The following DPH6 variants were observed in gnomAD, a reference collection of about 807,000 sequenced individuals.
DPH6 encodes diphthine--ammonia ligase.
DPH6 carries 33 observed loss-of-function variants against 38.2 expected under a neutral mutation model. That is an observed-to-expected ratio of 0.86 (90% CI 0.65 to 1.15). The LOEUF is 1.15. Among genes scored for constraint, DPH6 ranks in the 50% most tolerant of loss-of-function variants. The pLI is 0.00. For synonymous variants in DPH6, 108 were observed against 103.0 expected, an observed-to-expected ratio of 1.05 and a Z score of -0.30; for missense variants, 325 against 320.0, an observed-to-expected ratio of 1.02 and a Z score of -0.12.
At chr15:35,210,479 G>A in the DPH6 span, among the ~76,000 whole-genome samples, 1 of 152,166 alleles carries the variant, frequency 6.6e-6, no homozygotes, top group African/African-American at 2.4e-5. Flanking sequence ...TAAAGGTACA[G>A]CGGGAATAAT....
At chr15:35,289,607 G>C (rs1290233495) in intron 3 of DPH6, among the ~76,000 whole-genome samples, 1 of 152,130 alleles carries the variant, frequency 6.6e-6, no homozygotes, top group Non-Finnish European at 1.5e-5. Context: ...ATAGGAATGA[G>C]GCAAATTTTA....
At chr15:35,436,204 T>G (rs73380710) in intron 5 of DPH6, among the ~76,000 whole-genome samples, 3 of 151,780 alleles carry the variant, frequency 2.0e-5, no homozygotes, top group Non-Finnish European at 2.9e-5. Flanking sequence ...CGGTGGCTCA[T>G]GCCTGTAATC....
At chr15:35,304,975 A>G (rs558993104) in intron 3 of DPH6, among the ~76,000 whole-genome samples, 1 of 152,194 alleles carries the variant, frequency 6.6e-6, no homozygotes, top group East Asian at 1.9e-4. Flanking sequence ...CTAGTCACAG[A>G]GGGACACTTT....
intron 3 of DPH6, among the ~76,000 whole-genome samples, chr15:35,481,247 G>A (rs1314610356): frequency 6.6e-6 from 1 of 152,112 alleles, no homozygotes; most frequent in East Asian, 1.9e-4. Flanking sequence ...CAACTACCAA[G>A]TTACAGGAAA....
intron 3 of DPH6, among the ~76,000 whole-genome samples, chr15:35,496,565 A>ATATATATATATATATATATAT (rs1467883229): frequency 1.1e-3 from 23 of 20,122 alleles, no homozygotes; most frequent in East Asian, 7.1e-3. Flanking sequence ...CAAAAAAAAA[A>ATATATATATATATATATATAT]AAATATATAT....
the DPH6 span, among the ~76,000 whole-genome samples, chr15:35,182,220 ATTTTTTTTTTTTTTTTTTTTTT>A: frequency 4.7e-5 from 4 of 86,012 alleles, no homozygotes; most frequent in African/African-American, 1.2e-4. Flanking sequence ...AACTCTAAGA[ATTTTTTTTTTTTTTTTTTTTTT>A]TTTTTTTTTT....
chr15:35,219,532 A>T (rs530580306), exon 4 of DPH6: 37 of 152,330 alleles, frequency 2.4e-4, no homozygotes, highest in African/African-American at 8.7e-4. Flanking sequence ...ATGTCAGACT[A>T]TTTTTAATAC....
intron 3 of DPH6, among the ~76,000 whole-genome samples, chr15:35,287,139 A>G (rs1023943692): frequency 6.6e-6 from 1 of 152,210 alleles, no homozygotes. Context: ...CAACTCAGTA[A>G]ACAGGCTTTG....
intron 3 of DPH6, among the ~76,000 whole-genome samples, chr15:35,358,316 G>T (rs761031806): frequency 1.2e-4 from 18 of 151,950 alleles, no homozygotes; most frequent in Non-Finnish European, 2.2e-4. Context: ...CTTGCATTAG[G>T]CTTTGCCTTT....
At chr15:35,283,020 CTCT>C in intron 3 of DPH6, 1 of 210,922 alleles carries the variant, frequency 4.7e-6, no homozygotes, top group Non-Finnish European at 1.0e-5. Context: ...CTTCCTCTTC[CTCT>C]TCTTCCTTCT....
intron 3 of DPH6, among the ~76,000 whole-genome samples, chr15:35,303,253 T>C (rs910126686): frequency 9.2e-5 from 14 of 152,050 alleles, no homozygotes; most frequent in African/African-American, 3.4e-4. Context: ...AACTTAATAA[T>C]ACTGTCTATA....
chr15:35,467,207 T>G (rs1413874368), intron 3 of DPH6, among the ~76,000 whole-genome samples: 3 of 152,228 alleles, frequency 2.0e-5, no homozygotes, highest in African/African-American at 7.2e-5. Context: ...ATGTCCTTAT[T>G]CTGTAAACTT....
chr15:35,410,934 A>G, intron 5 of DPH6, 38 bp from the exon 6 acceptor site: 1 of 1,573,442 alleles, frequency 6.4e-7, no homozygotes, highest in Non-Finnish European at 8.6e-7. Flanking sequence ...GATAACTATC[A>G]GATAGGAACT....
chr15:35,268,031 G>C lies in DPH6; in HGVS notation n.201-47449C>G, dbSNP rs563314327. 5.9e-5 allele frequency among the ~76,000 whole-genome samples: 9 copies of C among 152,116 alleles called. No homozygotes were observed. The South Asian group carries it at 1.9e-3, about 32-fold the overall frequency. ...TAAAAATACAAAATATTAGCCGGGC[G>C]TGGTGGCAGGCGCCTGTAGTCCCTG... On this transcript the variant is annotated intron_variant and non_coding_transcript_variant, in intron 3 of 3. Coordinates refer to the DPH6 transcript ENST00000560386.
At chr15:35,508,406 T>C (rs574224519) in intron 3 of DPH6, among the ~76,000 whole-genome samples, 17 of 152,282 alleles carry the variant, frequency 1.1e-4, no homozygotes, top group East Asian at 3.9e-4. Flanking sequence ...AAGGCTTCTT[T>C]ACGAGGCATA....
chr15:35,428,807 A>G (rs1305686853), intron 5 of DPH6, among the ~76,000 whole-genome samples: 1 of 152,056 alleles, frequency 6.6e-6, no homozygotes, highest in Non-Finnish European at 1.5e-5. Flanking sequence ...CTCATATGGT[A>G]CCACTTGCTT....
intron 3 of DPH6, among the ~76,000 whole-genome samples, chr15:35,360,534 G>A (rs1484361822): frequency 6.6e-6 from 1 of 152,212 alleles, no homozygotes; most frequent in Non-Finnish European, 1.5e-5. Context: ...AGTTCAGCAG[G>A]CCTGTTACCA....
chr15:35,178,445 C>T, the DPH6 span, among the ~76,000 whole-genome samples: 6 of 152,206 alleles, frequency 3.9e-5, no homozygotes, highest in Middle Eastern at 3.4e-3. Context: ...CTTTACAAAA[C>T]CATCAGATCT....
intron 2 of DPH6, among the ~76,000 whole-genome samples, chr15:35,541,858 A>T (rs1462498732): frequency 6.6e-6 from 1 of 152,154 alleles, no homozygotes; most frequent in Non-Finnish European, 1.5e-5. Flanking sequence ...TCTGTGAATT[A>T]TATGTGGATG....
Sources: allele counts gnomAD v4.1 joint callset (sites outside exome capture counted in the v4.1 genomes callset), GRCh38; gene constraint gnomAD v4.1.1; transcripts MANE v1.5; gene names NCBI Gene and HGNC (gene_info 2026-07-23, HGNC 2026-07-21).